The following FMN2 variants were observed in gnomAD, a reference collection of about 807,000 sequenced individuals.
The protein encoded by FMN2 is formin-2.
A neutral mutation model predicts 142.3 loss-of-function variants in FMN2; 51 were observed. The observed-to-expected ratio is 0.36, with a 90% CI of 0.29 to 0.45. The LOEUF (loss-of-function observed/expected upper bound fraction) is 0.45, where lower values mean the gene tolerates loss of function less well. Ranked by LOEUF, FMN2 falls within the 20% of genes least tolerant of loss-of-function variation. The probability of loss-of-function intolerance (pLI) is 1.00; values close to 1 mark genes in which losing one functional copy is unlikely to be tolerated. For synonymous variants in FMN2, 882 were observed against 869.8 expected, an observed-to-expected ratio of 1.01 and a Z score of -0.25; for missense variants, 1,936 against 2,122.8, an observed-to-expected ratio of 0.91 and a Z score of 1.73.
chr1:240,358,890 A>G (rs1672371991), intron 14 of FMN2, among the ~76,000 whole-genome samples: 1 of 152,144 alleles, frequency 6.6e-6, no homozygotes, highest in African/African-American at 2.4e-5. Flanking sequence ...TAATCCCGGC[A>G]CTTTGGGAGG....
intron 1 of FMN2, among the ~76,000 whole-genome samples, chr1:240,109,148 C>G (rs2103190650): frequency 6.6e-6 from 1 of 152,312 alleles, no homozygotes; most frequent in African/African-American, 2.4e-5. Flanking sequence ...AAATTGAATG[C>G]TATCATAGGA....
At position 240,431,413 on chromosome 1, in the gene FMN2, T is replaced by TAC. The variant is rs1361250772; in HGVS notation, c.4911-6647_4911-6646insCA. Among the ~76,000 whole-genome samples the TAC allele has an allele frequency of 3.0e-3, 447 of 147,418 alleles. 7 individuals carry two copies. The highest frequency in any genetic ancestry group is 0.011 in the African/African-American group (431 of 40,048). On this transcript the variant is annotated intron_variant, in intron 15 of 17. Transcript: ENST00000319653. ...TATACAACCATGTTTTATATATATA[T>TAC]ATATATATATACATATATATACACA...
At chr1:240,440,180 G>A (rs1423453541) in intron 16 of FMN2, among the ~76,000 whole-genome samples, 1 of 152,140 alleles carries the variant, frequency 6.6e-6, no homozygotes, top group Non-Finnish European at 1.5e-5. Flanking sequence ...AGGCCAGGAT[G>A]CTGGACACCC....
At chr1:240,174,893 T>G (rs139861092) in intron 2 of FMN2, among the ~76,000 whole-genome samples, 205 of 152,364 alleles carry the variant, frequency 1.3e-3, no homozygotes, top group African/African-American at 4.6e-3. Context: ...AGTGTTGTTA[T>G]GTATATTCAC....
intron 4 of FMN2, among the ~76,000 whole-genome samples, chr1:240,202,834 A>G (rs999832833): frequency 6.6e-6 from 1 of 152,138 alleles, no homozygotes; most frequent in African/African-American, 2.4e-5. Context: ...TATTTTCATT[A>G]TATTCAAATT....
intron 16 of FMN2, among the ~76,000 whole-genome samples, chr1:240,448,342 A>G (rs897090724): frequency 1.3e-5 from 2 of 152,162 alleles, no homozygotes; most frequent in African/African-American, 4.8e-5. Flanking sequence ...AAAAATATAC[A>G]CACATGCAAA....
chr1:240,204,120 G>A (rs116077331), intron 4 of FMN2, among the ~76,000 whole-genome samples: 2,444 of 151,776 alleles, frequency 0.016, 79 homozygotes, highest in African/African-American at 0.057. Flanking sequence ...TCCTTTCATA[G>A]TAAGGGCTAC....
chr1:240,372,528 GTATATAT>G (rs927106743), intron 14 of FMN2, among the ~76,000 whole-genome samples: 42 of 149,876 alleles, frequency 2.8e-4, no homozygotes, highest in African/African-American at 9.5e-4. Flanking sequence ...TATATATTTT[GTATATAT>G]TATATATGCT....
chr1:240,332,389 G>A (rs1572202737), intron 11 of FMN2, among the ~76,000 whole-genome samples: 1 of 124,104 alleles, frequency 8.1e-6, no homozygotes, highest in East Asian at 2.3e-4. Context: ...AGAAAGAAAA[G>A]CCCTTTTCTT....
At chr1:240,319,759 C>T (rs963333580) in intron 8 of FMN2, among the ~76,000 whole-genome samples, 8 of 152,110 alleles carry the variant, frequency 5.3e-5, no homozygotes, top group Admixed American at 2.0e-4. Flanking sequence ...CCACTTTGTT[C>T]GTGTATTTGG....
At chr1:240,277,383 G>A (rs138965204) in intron 7 of FMN2, among the ~76,000 whole-genome samples, 1,498 of 149,764 alleles carry the variant, frequency 0.01, 26 homozygotes, top group African/African-American at 0.034. Flanking sequence ...AAACTCTCCC[G>A]GACTCTAGGA....
chr1:240,271,890 CTT>C (rs1669031024), intron 7 of FMN2, among the ~76,000 whole-genome samples: 1 of 152,074 alleles, frequency 6.6e-6, no homozygotes, highest in African/African-American at 2.4e-5. Flanking sequence ...ATTATAATGT[CTT>C]TTACTACAAG....
intron 7 of FMN2, among the ~76,000 whole-genome samples, chr1:240,269,327 C>T (rs1368831470): frequency 6.6e-6 from 1 of 151,996 alleles, no homozygotes; most frequent in African/African-American, 2.4e-5. Context: ...GTGTTCTTGA[C>T]ACCTTTGTTG....
In FMN2 at chr1:240,283,888, A is replaced by C. The variant is rs78120337; in HGVS notation, c.4154-10934A>C. On this transcript the variant is annotated intron_variant, in intron 7 of 17. Coordinates refer to ENST00000319653, the MANE Select transcript of FMN2 (RefSeq NM_020066.5). ...AGTTTCCCTTTCCTTCCAGGTGACC[A>C]TAGGAAACTGATCCGGTCAGTGAGA... is the stretch of plus-strand genomic sequence containing the variant. Among the ~76,000 whole-genome samples the C allele has an allele frequency of 7.7e-4, 117 of 152,278 alleles. No individual in the cohort carries two copies. In the East Asian group the frequency reaches 0.021, roughly 27 times the overall value.
chr1:240,411,143 A>G (rs1020608410), intron 15 of FMN2, among the ~76,000 whole-genome samples: 2 of 152,206 alleles, frequency 1.3e-5, no homozygotes, highest in Admixed American at 6.5e-5. Flanking sequence ...CAGACACGCA[A>G]GTTCTCAAAA....
intron 15 of FMN2, among the ~76,000 whole-genome samples, chr1:240,419,167 C>T (rs567833287): frequency 6.6e-6 from 1 of 152,300 alleles, no homozygotes; most frequent in African/African-American, 2.4e-5. Flanking sequence ...GTCAGTTACT[C>T]CTTACACTTC....
intron 1 of FMN2, among the ~76,000 whole-genome samples, chr1:240,099,514 T>C (rs1019502856): frequency 9.9e-5 from 15 of 152,024 alleles, no homozygotes; most frequent in Non-Finnish European, 1.2e-4. Context: ...ACACCCTCAG[T>C]GTTTCTGCTC....
At chr1:240,470,548 GTTGT>G (rs770389447) in intron 16 of FMN2, among the ~76,000 whole-genome samples, 3 of 152,146 alleles carry the variant, frequency 2.0e-5, no homozygotes, top group Non-Finnish European at 4.4e-5. Flanking sequence ...GCAATACTGA[GTTGT>G]TTGTTTGATT....
Position 240,092,335 on chromosome 1 carries a change from T to C in FMN2, c.226T>C (p.Ser76Pro). ...GTCCGACTCCAGAGCCTCGGTGTTT[T>C]CCAACCTGCGGATCAGGAAGAATCT... ...SKSDSRASVF[S>P]NLRIRKNLSK... Residue 76 changes from serine (S) to proline (P), a missense_variant, in exon 1 of 18, where the codon TCC becomes CCC. Coordinates refer to ENST00000319653, the MANE Select transcript of FMN2 (RefSeq NM_020066.5). 6.2e-7 allele frequency: 1 copy of C among 1,608,366 alleles called. No homozygotes were observed. Among genetic ancestry groups the C allele is most frequent in the South Asian group, 1.1e-5 (1 of 90,626 alleles).
Sources: allele counts gnomAD v4.1 joint callset (sites outside exome capture counted in the v4.1 genomes callset), GRCh38; gene constraint gnomAD v4.1.1; transcripts MANE v1.5; gene names NCBI Gene and HGNC (gene_info 2026-07-23, HGNC 2026-07-21).